The following SLC10A7 variants were observed in gnomAD, a reference collection of about 807,000 sequenced individuals.
SLC10A7 encodes sodium/bile acid cotransporter 7.
In SLC10A7, 29 loss-of-function variants were observed where a neutral mutation model predicts 43.2. That is an observed-to-expected ratio of 0.67 (90% CI 0.50 to 0.92). The LOEUF (loss-of-function observed/expected upper bound fraction) is 0.92, where lower values mean the gene tolerates loss of function less well. Among genes scored for constraint, SLC10A7 ranks in the 40% least tolerant of loss-of-function variants. The pLI is 0.00. For synonymous variants in SLC10A7, 152 were observed against 144.8 expected (o/e 1.05, Z -0.35); for missense variants, 295 against 403.2 (o/e 0.73, Z 2.30).
At chr4:146,386,263 T>C (rs749529667) in intron 5 of SLC10A7, among the ~76,000 whole-genome samples, 47 of 152,332 alleles carry the variant, frequency 3.1e-4, no homozygotes, top group Non-Finnish European at 6.2e-4. Context: ...GACTGTTTAA[T>C]AATAGCCATT....
intron 5 of SLC10A7, among the ~76,000 whole-genome samples, chr4:146,358,940 A>T (rs976685728): frequency 6.6e-6 from 1 of 152,160 alleles, no homozygotes; most frequent in African/African-American, 2.4e-5. Flanking sequence ...ACATTAGTAG[A>T]TGCAGCCAAA....
At chr4:146,436,878 TC>T (rs1414347929) in intron 5 of SLC10A7, among the ~76,000 whole-genome samples, 2 of 152,106 alleles carry the variant, frequency 1.3e-5, no homozygotes, top group African/African-American at 4.8e-5. Flanking sequence ...ACAAGATAGT[TC>T]TTTATTTATA....
intron 4 of SLC10A7, among the ~76,000 whole-genome samples, chr4:146,499,607 C>T (rs1736213817): frequency 6.6e-6 from 1 of 152,142 alleles, no homozygotes; most frequent in Non-Finnish European, 1.5e-5. Context: ...AAATAGTCTA[C>T]TCATTTCATA....
intron 11 of SLC10A7, 54 bp from the exon 12 acceptor site, chr4:146,256,574 A>G: frequency 6.3e-7 from 1 of 1,582,840 alleles, no homozygotes; most frequent in Non-Finnish European, 8.7e-7. Flanking sequence ...AGGAAAGTGA[A>G]AGCATCAATT....
rs1359299325 is a variant in SLC10A7 at position 146,521,711 on chromosome 4, G to A, written c.7C>T (p.Leu3=). ...CAGTCTTTCCTCATTCTCTCCAGCAGCCTCATATTTGTTAGGGTGGGTGGG... is the reference window on the plus strand; with the variant it reads ...CAGTCTTTCCTCATTCTCTCCAGCAACCTCATATTTGTTAGGGTGGGTGGG... The part of the protein sequence containing the change: MR[L]LERMRKDWFM... The change falls in exon 1 of 12, where the codon CTG becomes TTG. Residue 3 remains leucine (L), a synonymous_variant. Coordinates refer to ENST00000335472, the MANE Select transcript of SLC10A7 (RefSeq NM_001029998.6). 1.2e-6 allele frequency: 2 copies of A among 1,613,732 alleles called. No individual in the cohort carries two copies. The highest frequency in any genetic ancestry group is 1.7e-5 in the Admixed American group (1 of 59,950).
At chr4:146,317,132 C>T (rs1186116153) in intron 6 of SLC10A7, among the ~76,000 whole-genome samples, 1 of 152,066 alleles carries the variant, frequency 6.6e-6, no homozygotes, top group African/African-American at 2.4e-5. Flanking sequence ...TACTCAGTTC[C>T]TTCAAAGTGG....
chr4:146,455,988 C>T (rs1732017759), intron 4 of SLC10A7, among the ~76,000 whole-genome samples: 1 of 151,710 alleles, frequency 6.6e-6, no homozygotes, highest in East Asian at 1.9e-4. Flanking sequence ...AAAGAGAGAA[C>T]ACCAATTTGT....
intron 5 of SLC10A7, among the ~76,000 whole-genome samples, chr4:146,341,486 A>G (rs908203852): frequency 5.9e-5 from 9 of 151,860 alleles, no homozygotes; most frequent in Non-Finnish European, 1.2e-4. Context: ...AACATCAGAC[A>G]TAAGAATGTA....
chr4:146,259,516 G>A (rs868004189), intron 10 of SLC10A7, among the ~76,000 whole-genome samples: 2 of 152,152 alleles, frequency 1.3e-5, no homozygotes, highest in South Asian at 2.1e-4. Flanking sequence ...CAGAAGAATC[G>A]CTTGAACCTG....
At chr4:146,332,509 T>C (rs1488093289) in intron 5 of SLC10A7, among the ~76,000 whole-genome samples, 1 of 152,180 alleles carries the variant, frequency 6.6e-6, no homozygotes, top group African/African-American at 2.4e-5. Context: ...TCTGGTTGTT[T>C]AAAAGTGTGT....
intron 7 of SLC10A7, among the ~76,000 whole-genome samples, chr4:146,298,249 C>G (rs1730917631): frequency 6.6e-6 from 1 of 152,180 alleles, no homozygotes; most frequent in African/African-American, 2.4e-5. Flanking sequence ...GGTACATGAT[C>G]ACTATTCTTA....
At chr4:146,388,749 ACTCTGT>A (rs1738191172) in intron 5 of SLC10A7, among the ~76,000 whole-genome samples, 1 of 138,260 alleles carries the variant, frequency 7.2e-6, no homozygotes, top group South Asian at 2.6e-4. Flanking sequence ...ACAGTGTGAG[ACTCTGT>A]CAAAAAACAA....
chr4:146,476,039 C>T (rs1053895079), intron 4 of SLC10A7, among the ~76,000 whole-genome samples: 6 of 152,210 alleles, frequency 3.9e-5, no homozygotes, highest in Middle Eastern at 3.4e-3. Flanking sequence ...CAAATCAGAA[C>T]GCTTCCTGAA....
chr4:146,305,854 C>A, intron 7 of SLC10A7, 72 bp downstream of exon 7: 4 of 1,315,062 alleles, frequency 3.0e-6, no homozygotes, highest in Non-Finnish European at 4.2e-6. Flanking sequence ...TTTCTCTCAA[C>A]TGCTCTGACA....
chr4:146,350,225 G>A (rs543033828), intron 5 of SLC10A7, among the ~76,000 whole-genome samples: 3 of 151,100 alleles, frequency 2.0e-5, no homozygotes, highest in Non-Finnish European at 3.0e-5. Flanking sequence ...CCTGGGAAGC[G>A]CAAGGGGTCA....
chr4:146,270,819 A>T (rs1560750049), intron 10 of SLC10A7, among the ~76,000 whole-genome samples: 1 of 152,214 alleles, frequency 6.6e-6, no homozygotes, highest in Non-Finnish European at 1.5e-5. Flanking sequence ...GCTATTGTAA[A>T]GATTACATGC....
At chr4:146,382,064 A>C (rs1328800882) in intron 5 of SLC10A7, among the ~76,000 whole-genome samples, 2 of 152,100 alleles carry the variant, frequency 1.3e-5, no homozygotes, top group Non-Finnish European at 2.9e-5. Context: ...AGAGAAAAAA[A>C]AAAATCTAAT....
rs76140455 is a variant in SLC10A7, at chr4:146,284,196, C to A, written c.774-931G>T. Reference sequence around the variant, plus strand: ...AGGATTTGACTATATAGAGTCTATTCATTCCCTGCTCTGAACTCTGACAGA... The same window carrying A: ...AGGATTTGACTATATAGAGTCTATTAATTCCCTGCTCTGAACTCTGACAGA... On this transcript the variant is annotated intron_variant, in intron 9 of 11. Coordinates refer to ENST00000335472, the MANE Select transcript of SLC10A7 (RefSeq NM_001029998.6). Among the ~76,000 whole-genome samples, 825 of 152,282 alleles carry A rather than the reference C, an allele frequency of 5.4e-3. 4 individuals carry two copies. The highest frequency in any genetic ancestry group is 0.02 in the East Asian group (101 of 5,176).
At chr4:146,458,524 G>C (rs1234510611) in intron 4 of SLC10A7, among the ~76,000 whole-genome samples, 1 of 151,852 alleles carries the variant, frequency 6.6e-6, no homozygotes. Context: ...ATAAGGATTT[G>C]ATTGGTAAAT....
Sources: allele counts gnomAD v4.1 joint callset (sites outside exome capture counted in the v4.1 genomes callset), GRCh38; gene constraint gnomAD v4.1.1; transcripts MANE v1.5; gene names NCBI Gene and HGNC (gene_info 2026-07-23, HGNC 2026-07-21).